Variants in RIC1 observed in about 807,000 individuals in gnomAD.
RIC1 encodes the protein RIC1 partner of RAB6A GEF complex.
A neutral mutation model predicts 169.0 loss-of-function variants in RIC1; 88 were observed. The ratio of observed to expected loss-of-function variants is 0.52; its 90% CI spans 0.44 to 0.62. The LOEUF is 0.62. Among genes scored for constraint, RIC1 ranks in the 20% least tolerant of loss-of-function variants. RIC1 has a pLI of 0.00. For synonymous variants in RIC1, 790 were observed against 601.5 expected, an observed-to-expected ratio of 1.31 and a Z score of -4.59; for missense variants, 1,877 against 1,725.5, an observed-to-expected ratio of 1.09 and a Z score of -1.56.
intron 2 of RIC1, among the ~76,000 whole-genome samples, chr9:5,661,549 C>G (rs921159831): frequency 3.9e-5 from 6 of 152,092 alleles, no homozygotes; most frequent in Admixed American, 3.3e-4. Flanking sequence ...AGGTTCTTCA[C>G]CTCCCTTGTT....
chr9:5,766,057 T>A (rs1315396722), intron 21 of RIC1, among the ~76,000 whole-genome samples: 1 of 151,878 alleles, frequency 6.6e-6, no homozygotes, highest in Non-Finnish European at 1.5e-5. Flanking sequence ...AACAAACTTG[T>A]TTAAGACAGA....
At chr9:5,677,305 A>C (rs1820508988) in intron 2 of RIC1, among the ~76,000 whole-genome samples, 1 of 151,916 alleles carries the variant, frequency 6.6e-6, no homozygotes, top group South Asian at 2.1e-4. Context: ...TCATTTGTTT[A>C]TTTGTTATGT....
chr9:5,759,345 G>C (rs755986566), intron 17 of RIC1, among the ~76,000 whole-genome samples: 1 of 152,152 alleles, frequency 6.6e-6, no homozygotes, highest in Non-Finnish European at 1.5e-5. Flanking sequence ...ATCAAATCAA[G>C]TATAGAGAGT....
intron 13 of RIC1, 141 bp downstream of exon 13, chr9:5,753,379 A>T: frequency 1.2e-6 from 1 of 851,540 alleles, no homozygotes; most frequent in South Asian, 1.6e-5. Flanking sequence ...ATTAACATCT[A>T]TAATTTTGTC....
rs145856254 is a variant in RIC1 at position 5,774,146 on chromosome 9, T to C, written c.4172T>C (p.Val1391Ala). 12 of 1,613,840 alleles carry C rather than the reference T, an allele frequency of 7.4e-6. No individual in the cohort carries two copies. The highest frequency in any genetic ancestry group is 2.2e-5 in the East Asian group (1 of 44,850). The change falls in exon 26 of 26, where the codon GTT (valine) becomes GCT (alanine). Residue 1391 changes from valine to alanine, a missense_variant. Transcript: ENST00000414202. ...CATGGAAGCATCCCCCAGGGTGAAG[T>C]TGGAAGCAGCAATATGGTCAGCCGG... Reference protein sequence around the residue: ...SSHGSIPQGEVGSSNMVSRKE... With the variant: ...SSHGSIPQGEAGSSNMVSRKE...
intron 1 of RIC1, among the ~76,000 whole-genome samples, chr9:5,651,778 G>T (rs956763729): frequency 1.3e-5 from 2 of 151,990 alleles, no homozygotes; most frequent in African/African-American, 4.8e-5. Flanking sequence ...ATGTTGGCCA[G>T]GTTGGTCTCG....
At position 5,656,558 on chromosome 9, in the gene RIC1, CTTTTT is replaced by C. The variant is rs74333480; in HGVS notation, c.145-15_145-11del. Reference sequence around the variant, plus strand: ...TATGAGATATTGATAAAAAATACAACTTTTTTTTTTTTTTAATCACACAGCCTAGT... The same window carrying C: ...TATGAGATATTGATAAAAAATACAACTTTTTTTTTAATCACACAGCCTAGT... On this transcript the variant is annotated intron_variant, in intron 1 of 25. Transcript: ENST00000414202. 1.8e-5 allele frequency: 17 copies of C among 958,640 alleles called. No homozygotes were observed. The highest frequency in any genetic ancestry group is 2.4e-5 in the Non-Finnish European group (16 of 672,788). The allele number at this position is 958,640 out of a possible 1,614,324, so 59.4% of individuals were successfully genotyped here.
At chr9:5,745,828 A>G (rs1052560635) in intron 10 of RIC1, 103 bp from the exon 11 acceptor site, 5 of 941,676 alleles carry the variant, frequency 5.3e-6, no homozygotes, top group African/African-American at 1.6e-5. Flanking sequence ...ATCATTAATA[A>G]TGCTATCATT....
intron 23 of RIC1, 123 bp downstream of exon 23, chr9:5,770,401 C>G: frequency 2.3e-6 from 2 of 871,598 alleles, no homozygotes; most frequent in Admixed American, 2.9e-5. Context: ...TTTGTATCCA[C>G]TGGAGAGGTA....
chr9:5,666,201 A>G (rs1243043512), intron 2 of RIC1, among the ~76,000 whole-genome samples: 4 of 152,224 alleles, frequency 2.6e-5, no homozygotes, highest in Non-Finnish European at 4.4e-5. Context: ...CAGTCTGGCC[A>G]TGATCTGGCA....
rs1827576771 is a variant in RIC1 at position 5,776,235 on chromosome 9, C to G, written c.*1989C>G. The G allele has an allele frequency of 6.6e-6, 1 of 151,964 alleles. No individual in the cohort carries two copies. Among genetic ancestry groups the G allele is most frequent in the African/African-American group, 2.4e-5 (1 of 41,392 alleles). 9.4% of individuals were successfully genotyped at this position (151,964 alleles called of 1,614,324 possible). ...TACAACTAATAGAGATAGGAGGCCCCCAGGCAAGAAGTTTGGCAGGTTTAC... is the reference window on the plus strand; with the variant it reads ...TACAACTAATAGAGATAGGAGGCCCGCAGGCAAGAAGTTTGGCAGGTTTAC... On this transcript the variant is annotated 3_prime_UTR_variant, in exon 26 of 26. Transcript: ENST00000414202.
Position 5,642,005 on chromosome 9 carries a change from C to T in RIC1, c.144+12552C>T, listed in dbSNP as rs1474229535. Among the ~76,000 whole-genome samples, 8 of 144,016 alleles carry T rather than the reference C, an allele frequency of 5.6e-5. 2 individuals carry two copies. Among genetic ancestry groups the T allele is most frequent in the African/African-American group, 1.1e-4 (4 of 34,920 alleles). The allele number at this position is 144,016 out of a possible 152,430, so 94.5% of individuals were successfully genotyped here. A position where few individuals can be genotyped will look rare whatever the true frequency, so the allele number is the denominator to read the frequency against. On this transcript the variant is annotated intron_variant, in intron 1 of 25. Transcript: ENST00000414202. ...TTGTAGATGTTCATTGGTGTGTAGG[C>T]ATCAAAGAGGTAGGTATTTATTGTA...
Position 5,768,969 on chromosome 9 carries a change from G to A in RIC1, c.3138-1G>A, listed in dbSNP as rs1827000072. ...TAGCTTTCTTGTGTTTCCACTTACA[G>A]ATGGAGCAAAGACAGTGACTGTGCT... On this transcript the variant is annotated splice_acceptor_variant, in intron 21 of 25. Coordinates refer to ENST00000414202, the MANE Select transcript of RIC1 (RefSeq NM_020829.4). LOFTEE classifies it high-confidence loss of function. The A allele has an allele frequency of 6.3e-7, 1 of 1,598,044 alleles. No homozygotes were observed. The highest frequency in any genetic ancestry group is 1.8e-5 in the Admixed American group (1 of 56,174).
chr9:5,656,777 A>G, intron 2 of RIC1, 87 bp downstream of exon 2: 1 of 776,358 alleles, frequency 1.3e-6, no homozygotes, highest in Non-Finnish European at 2.2e-6. Flanking sequence ...ACTTTCTTTC[A>G]GTCTTTTGCA....
At chr9:5,702,747 C>T (rs1381000235) in intron 3 of RIC1, among the ~76,000 whole-genome samples, 1 of 152,060 alleles carries the variant, frequency 6.6e-6, no homozygotes, top group Non-Finnish European at 1.5e-5. Context: ...GGCTTTCACC[C>T]TGTTGCCCAG....
rs551262123 is a variant in RIC1, at chr9:5,744,424, G to T, written c.1095+687G>T. On this transcript the variant is annotated intron_variant, in intron 10 of 25. Transcript: ENST00000414202. ...TATGTCAAAGAGAATTATGGTCACT[G>T]TTGTAAACAATACAGGTTGAGTACC... 3.3e-5 allele frequency among the ~76,000 whole-genome samples: 5 copies of T among 152,242 alleles called. No individual in the cohort carries two copies. The South Asian group carries it at 1.0e-3, about 32-fold the overall frequency.
chr9:5,716,719 G>C (rs910531912), intron 4 of RIC1, among the ~76,000 whole-genome samples: 1 of 152,194 alleles, frequency 6.6e-6, no homozygotes, highest in African/African-American at 2.4e-5. Context: ...CCTTCAGTTG[G>C]CCAGATTTTT....
At position 5,688,829 on chromosome 9, in the gene RIC1, A is replaced by G. The variant is rs1326858109; in HGVS notation, c.253-1130A>G. 2.0e-5 allele frequency among the ~76,000 whole-genome samples: 3 copies of G among 152,238 alleles called. No individual in the cohort carries two copies. In the East Asian group the frequency reaches 5.8e-4, roughly 29 times the overall value. ...TTTGAGTACATGCCCACCTCCCTCT[A>G]AAATGATAGGAATTCAGTATTACTG... On this transcript the variant is annotated intron_variant, in intron 2 of 25. Coordinates refer to ENST00000414202, the MANE Select transcript of RIC1 (RefSeq NM_020829.4).
chr9:5,778,622 C>T (rs1367505903), downstream of RIC1, among the ~76,000 whole-genome samples: 1 of 152,202 alleles, frequency 6.6e-6, no homozygotes, highest in Non-Finnish European at 1.5e-5. Flanking sequence ...AACAAACATA[C>T]ATTGCATCTA....
Sources: gnomAD v4.1 joint callset for allele counts (sites outside exome capture counted in the v4.1 genomes callset) on GRCh38, gnomAD v4.1.1 for gene constraint, MANE v1.5 for transcripts, NCBI Gene and HGNC (gene_info 2026-07-23, HGNC 2026-07-21) for gene names.